ITPR1: variants seen among roughly 807,000 people sequenced by gnomAD.
ITPR1 encodes inositol 1,4,5-trisphosphate receptor type 1.
In ITPR1, 96 loss-of-function variants were observed where a neutral mutation model predicts 318.4. The observed-to-expected ratio is 0.30, with a 90% confidence interval of 0.26 to 0.36. The LOEUF is 0.36. Among genes scored for constraint, ITPR1 ranks in the 10% least tolerant of loss-of-function variants. ITPR1 has a pLI of 1.00. For synonymous variants in ITPR1, 1,312 were observed against 1,289.9 expected, an observed-to-expected ratio of 1.02 and a Z score of -0.37; for missense variants, 2,440 against 3,460.2, an observed-to-expected ratio of 0.71 and a Z score of 7.40.
intron 53 of ITPR1, among the ~76,000 whole-genome samples, chr3:4,796,643 C>G (rs1326889435): frequency 6.6e-6 from 1 of 152,180 alleles, no homozygotes; most frequent in African/African-American, 2.4e-5. Context: ...TCATTTGTGG[C>G]AGCATTCAGG....
intron 19 of ITPR1, 67 bp from the exon 20 acceptor site, chr3:4,670,662 A>C: frequency 8.5e-7 from 1 of 1,177,916 alleles, no homozygotes; most frequent in Non-Finnish European, 1.2e-6. Flanking sequence ...CTTTATGCTG[A>C]AAGTAAAGCT....
intron 4 of ITPR1, among the ~76,000 whole-genome samples, chr3:4,565,307 T>C (rs2087115277): frequency 1.3e-5 from 2 of 152,202 alleles, no homozygotes; most frequent in African/African-American, 4.8e-5. Flanking sequence ...TCACAGCCAC[T>C]AGCACTGGAG....
At chr3:4,531,526 G>T (rs2083412674) in intron 4 of ITPR1, among the ~76,000 whole-genome samples, 1 of 152,132 alleles carries the variant, frequency 6.6e-6, no homozygotes, top group African/African-American at 2.4e-5. Flanking sequence ...TGGTTCCCCA[G>T]TTGTGCTCAG....
At chr3:4,784,582 T>A (rs2119803) in intron 51 of ITPR1, among the ~76,000 whole-genome samples, 102,318 of 146,332 alleles carry the variant, frequency 0.7, 36,020 homozygotes, top group East Asian at 0.84. Context: ...TTTTTTTTTT[T>A]AAAAAAGGTG....
At chr3:4,629,478 G>T (rs150985627) in intron 5 of ITPR1, among the ~76,000 whole-genome samples, 1 of 152,118 alleles carries the variant, frequency 6.6e-6, no homozygotes, top group Non-Finnish European at 1.5e-5. Context: ...TAGTAGCTTC[G>T]TTAATTATCA....
chr3:4,754,300 C>T (rs990412520), intron 44 of ITPR1, among the ~76,000 whole-genome samples: 13 of 152,206 alleles, frequency 8.5e-5, no homozygotes, highest in African/African-American at 2.7e-4. Flanking sequence ...ACCCAAGTCA[C>T]TGCCAGGTCC....
chr3:4,731,576 C>A (rs2042928937), intron 42 of ITPR1, among the ~76,000 whole-genome samples: 1 of 152,138 alleles, frequency 6.6e-6, no homozygotes, highest in South Asian at 2.1e-4. Flanking sequence ...ATTTAAAAAT[C>A]AGTCCCCTCC....
chr3:4,507,099 A>ATTT (rs201789825), intron 2 of ITPR1, among the ~76,000 whole-genome samples: 5 of 137,632 alleles, frequency 3.6e-5, no homozygotes, highest in Non-Finnish European at 4.8e-5. Flanking sequence ...AAGAGTAGCA[A>ATTT]TTTTTTTTTT....
chr3:4,845,658 T>G (rs2051711322), intron 61 of ITPR1, among the ~76,000 whole-genome samples: 1 of 152,134 alleles, frequency 6.6e-6, no homozygotes, highest in Non-Finnish European at 1.5e-5. Context: ...TAGGTAATTT[T>G]TTTTTTCTCT....
intron 4 of ITPR1, among the ~76,000 whole-genome samples, chr3:4,557,989 T>C (rs2086300232): frequency 6.6e-6 from 1 of 152,220 alleles, no homozygotes; most frequent in Non-Finnish European, 1.5e-5. Context: ...CTTCACTTTC[T>C]TTTCTCTTTC....
At chr3:4,691,739 C>G (rs903275702) in intron 32 of ITPR1, among the ~76,000 whole-genome samples, 3 of 152,196 alleles carry the variant, frequency 2.0e-5, no homozygotes, top group African/African-American at 7.2e-5. Context: ...TTGCCTGATG[C>G]TTTTTGAGGA....
At chr3:4,559,965 A>T (rs1374052487) in intron 4 of ITPR1, among the ~76,000 whole-genome samples, 1 of 152,180 alleles carries the variant, frequency 6.6e-6, no homozygotes, top group Non-Finnish European at 1.5e-5. Context: ...CTAGAGCCAG[A>T]CTGCTTGGTT....
At chr3:4,516,391 T>C (rs2082173295) in intron 2 of ITPR1, 85 bp from the exon 3 acceptor site, 1 of 690,984 alleles carries the variant, frequency 1.4e-6, no homozygotes, top group Non-Finnish European at 2.4e-6. Context: ...TTTGGAAAAT[T>C]GAGCTAAGCC....
Position 4,846,284 on chromosome 3 carries a change from C to A in ITPR1, c.*59C>A. 1.8e-6 allele frequency: 2 copies of A among 1,142,298 alleles called. No homozygotes were observed. The highest frequency in any genetic ancestry group is 2.6e-6 in the Non-Finnish European group (2 of 780,506). 70.8% of individuals were successfully genotyped at this position (1,142,298 alleles called of 1,614,324 possible). On this transcript the variant is annotated 3_prime_UTR_variant, in exon 62 of 62. Coordinates refer to ENST00000649015, the MANE Select transcript of ITPR1 (RefSeq NM_001378452.1). Reference sequence around the variant, plus strand: ...ATAATTATTATTAGTGTGGGTATGGCTAATGAGTTCTGATTCACCCACGAA... The same window carrying A: ...ATAATTATTATTAGTGTGGGTATGGATAATGAGTTCTGATTCACCCACGAA...
At chr3:4,831,080 A>G (rs1338475263) in intron 60 of ITPR1, 5 of 447,538 alleles carry the variant, frequency 1.1e-5, no homozygotes, top group African/African-American at 8.4e-5. Context: ...ATACAATCCA[A>G]CTTCCTCCTC....
At chr3:4,803,772 G>C (rs1231723217) in intron 54 of ITPR1, among the ~76,000 whole-genome samples, 1 of 152,138 alleles carries the variant, frequency 6.6e-6, no homozygotes, top group Non-Finnish European at 1.5e-5. Flanking sequence ...ACACAAATCA[G>C]TTGGGGGAAA....
At chr3:4,772,033 A>C (rs952363736) in intron 46 of ITPR1, among the ~76,000 whole-genome samples, 12 of 152,200 alleles carry the variant, frequency 7.9e-5, no homozygotes, top group Non-Finnish European at 1.2e-4. Flanking sequence ...TGGAGGTTGG[A>C]ATCATCCTTA....
At chr3:4,565,052 AGCCACG>A (rs1300661711) in intron 4 of ITPR1, among the ~76,000 whole-genome samples, 2 of 152,332 alleles carry the variant, frequency 1.3e-5, no homozygotes, top group East Asian at 3.9e-4. Context: ...GACACCTGGA[AGCCACG>A]GCCCCTTTTT....
chr3:4,575,289 G>C lies in ITPR1; in HGVS notation c.164-52474G>C, dbSNP rs138243378. Reference sequence around the variant, plus strand: ...GAGGATAGAGGAAAACCAGAGAGAAGGTTTAAATGGGATTTATCTATCATC... The same window carrying C: ...GAGGATAGAGGAAAACCAGAGAGAACGTTTAAATGGGATTTATCTATCATC... On this transcript the variant is annotated intron_variant, in intron 4 of 61. Coordinates refer to ENST00000649015, the MANE Select transcript of ITPR1 (RefSeq NM_001378452.1). 5.9e-4 allele frequency among the ~76,000 whole-genome samples: 90 copies of C among 152,202 alleles called. 1 individual carries two copies. The highest frequency in any genetic ancestry group is 2.0e-3 in the African/African-American group (84 of 41,518).
Sources: gnomAD v4.1 joint callset for allele counts (sites outside exome capture counted in the v4.1 genomes callset) on GRCh38, gnomAD v4.1.1 for gene constraint, MANE v1.5 for transcripts, NCBI Gene and HGNC (gene_info 2026-07-23, HGNC 2026-07-21) for gene names.